The following AMZ1 variants were observed in gnomAD, a reference collection of about 807,000 sequenced individuals.
AMZ1 encodes archaelysin family metallopeptidase 1, also known as archaemetzincin-1.
Under a neutral mutation model 29.9 loss-of-function variants are expected in AMZ1, and 39 were observed. The observed-to-expected ratio is 1.30, with a 90% CI of 1.01 to 1.70. The LOEUF is 1.70. Among genes scored for constraint, AMZ1 ranks in the 40% most tolerant of loss-of-function variants. AMZ1 has a pLI of 0.00. For synonymous variants in AMZ1, 458 were observed against 304.0 expected (o/e 1.51, Z -5.27); for missense variants, 1,041 against 680.6 (o/e 1.53, Z -5.89).
At chr7:2,696,526 T>A (rs200634317) in intron 1 of AMZ1, among the ~76,000 whole-genome samples, 2 of 150,376 alleles carry the variant, frequency 1.3e-5, no homozygotes, top group East Asian at 4.1e-4. Flanking sequence ...CAAAGTGCTG[T>A]GATTACAGGC....
Position 2,739,706 on chromosome 7 carries a change from G to A in AMZ1, n.551-25006G>A, listed in dbSNP as rs147111835. Among the ~76,000 whole-genome samples the A allele has an allele frequency of 6.1e-3, 926 of 152,072 alleles. 4 individuals are homozygous for A. The highest frequency in any genetic ancestry group is 0.01 in the Middle Eastern group (3 of 294). On this transcript the variant is annotated intron_variant and non_coding_transcript_variant, in intron 4 of 4. Transcript: ENST00000489665. ...TTTTTTTATTTTAAAATGGAGTCTC[G>A]CCCCGTTGCTCAGGCTGAGTGTAGT...
chr7:2,741,224 G>A (rs185492333), intron 4 of AMZ1, among the ~76,000 whole-genome samples: 11 of 152,190 alleles, frequency 7.2e-5, no homozygotes, highest in East Asian at 5.8e-4. Flanking sequence ...GTGGCGGCAC[G>A]CACACCTGTG....
chr7:2,721,000 T>C (rs1562382917), downstream of AMZ1, among the ~76,000 whole-genome samples: 1 of 152,236 alleles, frequency 6.6e-6, no homozygotes, highest in East Asian at 1.9e-4. Context: ...TTTATACGAA[T>C]GTCACAGCAT....
Position 2,709,158 on chromosome 7 carries a change from G to C in AMZ1, c.685G>C (p.Ala229Pro), listed in dbSNP as rs749039717. ...CGCCCCTGATCTGGCCCTGGTAGAGGCAGCAGCAGACGGCCCCGAGGCCCC... is the reference window on the plus strand; with the variant it reads ...CGCCCCTGATCTGGCCCTGGTAGAGCCAGCAGCAGACGGCCCCGAGGCCCC... ...PSAPDLALVE[A>P]AADGPEAPLQ... The change falls in exon 5 of 7, where the codon GCA (alanine) becomes CCA (proline). Residue 229 changes from alanine (A) to proline (P), a missense_variant. Transcript: ENST00000683327. 1 of 1,574,698 alleles carries C rather than the reference G, an allele frequency of 6.4e-7. No individual in the cohort carries two copies. The highest frequency in any genetic ancestry group is 1.9e-5 in the Admixed American group (1 of 52,950).
Position 2,714,539 on chromosome 7 carries a change from T to C in AMZ1, c.*1661T>C, listed in dbSNP as rs1583183650. The C allele has an allele frequency of 6.6e-6, 1 of 151,900 alleles. No individual in the cohort carries two copies. The allele number at this position is 151,900 out of a possible 1,614,324, so 9.4% of individuals were successfully genotyped here. A position where few individuals can be genotyped will look rare whatever the true frequency, so the allele number is the denominator to read the frequency against. On this transcript the variant is annotated 3_prime_UTR_variant, in exon 7 of 7. Transcript: ENST00000683327. ...GCTAGGCCTTTCAGAAAGTGACCAATGGAAGGTGCCGGCAGAGCACCCTGC... is the reference window on the plus strand; with the variant it reads ...GCTAGGCCTTTCAGAAAGTGACCAACGGAAGGTGCCGGCAGAGCACCCTGC...
chr7:2,712,693 G>C lies in AMZ1; in HGVS notation c.1312G>C (p.Asp438His), dbSNP rs749021540. Residue 438 changes from aspartate to histidine, a missense_variant, in exon 7 of 7, where the codon GAC (aspartate) becomes CAC (histidine). Asp to His is a moderately conservative substitution (Grantham distance 81). Coordinates refer to ENST00000683327, the MANE Select transcript of AMZ1 (RefSeq NM_001384743.1). ...VQVDRAVDAL[D>H]RWEMFTGQLP... ...GGTGGACAGAGCCGTGGACGCCCTC[G>C]ACCGCTGGGAGATGTTCACGGGCCA... 1.1e-5 allele frequency: 18 copies of C among 1,612,062 alleles called. No individual in the cohort carries two copies. Among genetic ancestry groups the C allele is most frequent in the Non-Finnish European group, 5.1e-6 (6 of 1,179,540 alleles).
intron 4 of AMZ1, among the ~76,000 whole-genome samples, chr7:2,726,618 C>A (rs538537710): frequency 2.0e-5 from 3 of 152,194 alleles, no homozygotes; most frequent in African/African-American, 7.2e-5. Flanking sequence ...GTTTTTCTGG[C>A]GCACTCTCTG....
chr7:2,694,542 T>C (rs1036876186), intron 1 of AMZ1, among the ~76,000 whole-genome samples: 12 of 152,152 alleles, frequency 7.9e-5, no homozygotes, highest in African/African-American at 2.7e-4. Flanking sequence ...GTGATCCTTC[T>C]GCCTCCCGAA....
chr7:2,748,667 A>T (rs1194568685), intron 4 of AMZ1, among the ~76,000 whole-genome samples: 1 of 152,228 alleles, frequency 6.6e-6, no homozygotes, highest in East Asian at 1.9e-4. Context: ...AATGGGATCT[A>T]ATTAAACTAA....
chr7:2,753,811 A>G (rs1272850895), intron 4 of AMZ1, among the ~76,000 whole-genome samples: 1 of 151,478 alleles, frequency 6.6e-6, no homozygotes, highest in Non-Finnish European at 1.5e-5. Context: ...TTGTTTCTTC[A>G]GTTTCTTCTG....
chr7:2,711,872 C>T (rs1040498767), intron 6 of AMZ1, among the ~76,000 whole-genome samples: 1 of 151,976 alleles, frequency 6.6e-6, no homozygotes, highest in Non-Finnish European at 1.5e-5. Flanking sequence ...GGTGAAACCC[C>T]GTCTCCACTA....
At chr7:2,734,911 T>C (rs1464427723) in intron 4 of AMZ1, among the ~76,000 whole-genome samples, 1 of 152,106 alleles carries the variant, frequency 6.6e-6, no homozygotes, top group African/African-American at 2.4e-5. Context: ...AGGGTGAACG[T>C]ACCCCAAGGG....
chr7:2,722,793 T>C (rs1474178062), downstream of AMZ1, among the ~76,000 whole-genome samples: 2 of 151,970 alleles, frequency 1.3e-5, no homozygotes, highest in Non-Finnish European at 2.9e-5. Flanking sequence ...GGCAACACAG[T>C]GAGACTCCAT....
At chr7:2,694,537 C>T (rs1464377295) in intron 1 of AMZ1, among the ~76,000 whole-genome samples, 1 of 152,086 alleles carries the variant, frequency 6.6e-6, no homozygotes, top group African/African-American at 2.4e-5. Context: ...CTCAAGTGAT[C>T]CTTCTGCCTC....
chr7:2,750,986 A>C (rs1306937596), intron 4 of AMZ1, among the ~76,000 whole-genome samples: 1 of 152,206 alleles, frequency 6.6e-6, no homozygotes, highest in Non-Finnish European at 1.5e-5. Flanking sequence ...AGAATTCACA[A>C]TGTACATCAG....
chr7:2,730,565 G>A (rs961975296), intron 4 of AMZ1: 1 of 152,594 alleles, frequency 6.6e-6, no homozygotes, highest in African/African-American at 2.4e-5. Context: ...GAGAGGCTTG[G>A]ACTAGGGGCT....
rs1789083965 is a variant in AMZ1, at chr7:2,715,744, G to A, written c.*2866G>A. 1 of 152,238 alleles carries A rather than the reference G, an allele frequency of 6.6e-6. No individual in the cohort carries two copies. The highest frequency in any genetic ancestry group is 1.5e-5 in the Non-Finnish European group (1 of 68,052). 9.4% of individuals were successfully genotyped at this position (152,238 alleles called of 1,614,324 possible). A position where few individuals can be genotyped will look rare whatever the true frequency, so the allele number is the denominator to read the frequency against. On this transcript the variant is annotated 3_prime_UTR_variant, in exon 7 of 7. Coordinates refer to ENST00000683327, the MANE Select transcript of AMZ1 (RefSeq NM_001384743.1). ...CAGGTTCTGTCTGTGCTGTGGTGAAGAGTGACTTGGGACAGTCACCAGGAA... is the reference window on the plus strand; with the variant it reads ...CAGGTTCTGTCTGTGCTGTGGTGAAAAGTGACTTGGGACAGTCACCAGGAA...
intron 4 of AMZ1, among the ~76,000 whole-genome samples, chr7:2,741,652 ATCT>A (rs1223750751): frequency 6.7e-6 from 1 of 149,136 alleles, no homozygotes; most frequent in African/African-American, 2.5e-5. Flanking sequence ...ACCTGTTCAC[ATCT>A]TCTCTCATTT....
chr7:2,734,562 G>A lies in AMZ1; in HGVS notation n.550+24746G>A, dbSNP rs999620237. On this transcript the variant is annotated intron_variant and non_coding_transcript_variant, in intron 4 of 4. Coordinates refer to the AMZ1 transcript ENST00000489665. ...ACGTGATGGCGCTGAAGCTCGTGGC[G>A]TTGTAAGGGATGGAGAAAGGCGGCC... 5.3e-5 allele frequency among the ~76,000 whole-genome samples: 8 copies of A among 152,190 alleles called. No homozygotes were observed. The East Asian group carries it at 5.8e-4, about 11-fold the overall frequency.
Sources: gnomAD v4.1 joint callset for allele counts (sites outside exome capture counted in the v4.1 genomes callset) on GRCh38, gnomAD v4.1.1 for gene constraint, MANE v1.5 for transcripts, NCBI Gene and HGNC (gene_info 2026-07-23, HGNC 2026-07-21) for gene names.